Variants in GRHL2 observed in about 807,000 individuals in gnomAD.
GRHL2 encodes the protein grainyhead like transcription factor 2.
Under a neutral mutation model 83.8 loss-of-function variants are expected in GRHL2, and 21 were observed. That is an observed-to-expected ratio of 0.25 (90% confidence interval 0.18 to 0.36). GRHL2 has a LOEUF of 0.36. Among genes scored for constraint, GRHL2 ranks in the 10% least tolerant of loss-of-function variants. The pLI, the probability that GRHL2 is intolerant of heterozygous loss-of-function variation, is 1.00. For missense variants in GRHL2, 623 were observed against 781.8 expected, an observed-to-expected ratio of 0.80 and a Z score of 2.42; for synonymous variants, 280 against 278.9, an observed-to-expected ratio of 1.00 and a Z score of -0.04.
chr8:101,604,823 G>T (rs549886563), intron 8 of GRHL2, among the ~76,000 whole-genome samples: 2 of 152,112 alleles, frequency 1.3e-5, no homozygotes, highest in Admixed American at 6.5e-5. Context: ...GGCCATCTCC[G>T]ATCTTTATGA....
chr8:101,582,004 G>A (rs571054662), intron 7 of GRHL2, among the ~76,000 whole-genome samples: 3 of 152,340 alleles, frequency 2.0e-5, no homozygotes, highest in Admixed American at 6.5e-5. Flanking sequence ...TTGGGAGGCC[G>A]TGGCAGGCAG....
At chr8:101,557,068 CT>C (rs879299491) in intron 3 of GRHL2, among the ~76,000 whole-genome samples, 25 of 148,386 alleles carry the variant, frequency 1.7e-4, no homozygotes, top group East Asian at 2.0e-4. Context: ...CTTTCCTTTT[CT>C]TTTTTTTTTC....
At chr8:101,566,585 A>C (rs970719836) in intron 4 of GRHL2, among the ~76,000 whole-genome samples, 3 of 147,768 alleles carry the variant, frequency 2.0e-5, no homozygotes, top group African/African-American at 7.4e-5. Flanking sequence ...TATAAATATA[A>C]TAATATTATT....
intron 8 of GRHL2, among the ~76,000 whole-genome samples, chr8:101,616,936 T>C (rs1377110741): frequency 6.6e-6 from 1 of 152,244 alleles, no homozygotes; most frequent in Non-Finnish European, 1.5e-5. Context: ...AAAGCAACTT[T>C]TAATGGTATA....
chr8:101,587,592 A>T (rs1385813488), intron 7 of GRHL2, among the ~76,000 whole-genome samples: 1 of 152,106 alleles, frequency 6.6e-6, no homozygotes, highest in Admixed American at 6.5e-5. Context: ...TCATTCTTTC[A>T]TCTCCAATGT....
chr8:101,674,830 T>A, the GRHL2 span, among the ~76,000 whole-genome samples: 7 of 152,054 alleles, frequency 4.6e-5, no homozygotes, highest in East Asian at 1.4e-3. Flanking sequence ...GCAAAACGAA[T>A]CCAGCAGCAC....
At chr8:101,618,809 T>C (rs1812905575) in intron 8 of GRHL2, among the ~76,000 whole-genome samples, 2 of 152,070 alleles carry the variant, frequency 1.3e-5, no homozygotes, top group Non-Finnish European at 2.9e-5. Flanking sequence ...CTAGTTTCAA[T>C]GCAATAATGT....
intron 1 of GRHL2, among the ~76,000 whole-genome samples, chr8:101,522,665 T>A (rs1015449688): frequency 6.6e-6 from 1 of 151,404 alleles, no homozygotes; most frequent in Non-Finnish European, 1.5e-5. Flanking sequence ...GGTCTATTCA[T>A]AAACACAAAA....
chr8:101,519,484 A>G (rs1468801856), intron 1 of GRHL2, among the ~76,000 whole-genome samples: 1 of 151,618 alleles, frequency 6.6e-6, no homozygotes, highest in Non-Finnish European at 1.5e-5. Flanking sequence ...CTGCAGCCTC[A>G]GACTCCTGGG....
intron 1 of GRHL2, among the ~76,000 whole-genome samples, chr8:101,497,083 A>G (rs1810122879): frequency 6.6e-6 from 1 of 152,186 alleles, no homozygotes; most frequent in African/African-American, 2.4e-5. Flanking sequence ...TTCCCTGAGT[A>G]TCACCAGTTT....
At chr8:101,671,171 T>C (rs1336140134), downstream of GRHL2, among the ~76,000 whole-genome samples, 1 of 152,108 alleles carries the variant, frequency 6.6e-6, no homozygotes, top group Non-Finnish European at 1.5e-5. Flanking sequence ...AGACAGTGGG[T>C]GCAGGACAGT....
chr8:101,526,915 G>A (rs1270875326), intron 1 of GRHL2, among the ~76,000 whole-genome samples: 3 of 152,126 alleles, frequency 2.0e-5, no homozygotes, highest in African/African-American at 7.2e-5. Flanking sequence ...ACATTCTCAA[G>A]TGAAACTAGC....
intron 2 of GRHL2, 133 bp from the exon 3 acceptor site, chr8:101,552,582 G>A: frequency 1.3e-6 from 1 of 784,354 alleles, no homozygotes; most frequent in South Asian, 1.4e-5. Context: ...ATCATCTCCT[G>A]GTGATAGCAA....
intron 1 of GRHL2, among the ~76,000 whole-genome samples, chr8:101,526,081 A>G (rs1196915523): frequency 6.6e-6 from 1 of 152,242 alleles, no homozygotes; most frequent in Admixed American, 6.5e-5. Flanking sequence ...TGACTGCTAG[A>G]TTCTCACATC....
At chr8:101,663,520 G>A (rs1225077003) in intron 14 of GRHL2, among the ~76,000 whole-genome samples, 3 of 152,006 alleles carry the variant, frequency 2.0e-5, no homozygotes, top group African/African-American at 7.3e-5. Flanking sequence ...GCTGAGGCAG[G>A]AGAATCACTT....
intron 14 of GRHL2, among the ~76,000 whole-genome samples, chr8:101,656,405 G>A (rs994420316): frequency 6.6e-6 from 1 of 152,186 alleles, no homozygotes; most frequent in Non-Finnish European, 1.5e-5. Flanking sequence ...TAGAAACTGA[G>A]GTCCAGAGGG....
chr8:101,551,066 C>T (rs1028767913), intron 2 of GRHL2, among the ~76,000 whole-genome samples: 1 of 152,268 alleles, frequency 6.6e-6, no homozygotes, highest in African/African-American at 2.4e-5. Context: ...CTGCAATGAA[C>T]ACAGGTGTGT....
chr8:101,629,110 C>T (rs916613767), intron 9 of GRHL2, among the ~76,000 whole-genome samples: 16 of 152,178 alleles, frequency 1.1e-4, no homozygotes, highest in Admixed American at 8.5e-4. Context: ...AACAGCATCA[C>T]GTGTTACAGA....
intron 14 of GRHL2, among the ~76,000 whole-genome samples, chr8:101,653,244 G>A (rs901863628): frequency 6.2e-5 from 9 of 146,022 alleles, no homozygotes; most frequent in Non-Finnish European, 8.8e-5. Context: ...ATATCATTGT[G>A]GGGGGGCTTA....
Sources: allele counts gnomAD v4.1 joint callset (sites outside exome capture counted in the v4.1 genomes callset), GRCh38; gene constraint gnomAD v4.1.1; transcripts MANE v1.5; gene names NCBI Gene and HGNC (gene_info 2026-07-23, HGNC 2026-07-21).